The following FIGN variants were observed in gnomAD, a reference collection of about 807,000 sequenced individuals.
FIGN encodes fidgetin.
In FIGN, 11 loss-of-function variants were observed where a neutral mutation model predicts 51.3. That is an observed-to-expected ratio of 0.21 (90% CI 0.13 to 0.35). The LOEUF is 0.35. Among genes scored for constraint, FIGN ranks in the 10% least tolerant of loss-of-function variants. The pLI, the probability that FIGN is intolerant of heterozygous loss-of-function variation, is 1.00. For missense variants in FIGN, 857 were observed against 943.6 expected (o/e 0.91, Z 1.20); for synonymous variants, 407 against 363.2 (o/e 1.12, Z -1.37).
intron 2 of FIGN, among the ~76,000 whole-genome samples, chr2:163,726,491 C>A (rs1463286981): frequency 6.6e-6 from 1 of 151,960 alleles, no homozygotes; most frequent in Non-Finnish European, 1.5e-5. Context: ...AATTATTCTT[C>A]AAAAATGACT....
At chr2:163,712,959 T>C (rs778044539) in intron 2 of FIGN, among the ~76,000 whole-genome samples, 14 of 152,212 alleles carry the variant, frequency 9.2e-5, no homozygotes, top group Non-Finnish European at 2.1e-4. Flanking sequence ...TTTCACCTCA[T>C]GACAGACAAA....
chr2:163,641,577 C>T (rs947807371), intron 2 of FIGN, among the ~76,000 whole-genome samples: 2 of 152,178 alleles, frequency 1.3e-5, no homozygotes, highest in Non-Finnish European at 2.9e-5. Flanking sequence ...CTGCCTTACA[C>T]CTTTTCAGAA....
intron 2 of FIGN, among the ~76,000 whole-genome samples, chr2:163,715,586 A>C (rs1376417245): frequency 6.6e-6 from 1 of 152,174 alleles, no homozygotes; most frequent in Non-Finnish European, 1.5e-5. Flanking sequence ...GTTAGGGGAG[A>C]ATGAATGGAA....
chr2:163,692,933 T>C (rs892725711), intron 2 of FIGN, among the ~76,000 whole-genome samples: 2 of 152,196 alleles, frequency 1.3e-5, no homozygotes, highest in African/African-American at 4.8e-5. Flanking sequence ...TGCTCAACCT[T>C]GATGCAATAG....
intron 2 of FIGN, among the ~76,000 whole-genome samples, chr2:163,625,882 T>C (rs1277084493): frequency 1.3e-5 from 2 of 152,066 alleles, no homozygotes; most frequent in African/African-American, 2.4e-5. Context: ...ACTCTGGTCA[T>C]TCTGAAATGA....
intron 2 of FIGN, among the ~76,000 whole-genome samples, chr2:163,667,310 T>C (rs1326601519): frequency 6.7e-6 from 1 of 148,780 alleles, no homozygotes; most frequent in Non-Finnish European, 1.5e-5. Flanking sequence ...TTTCCTTTCT[T>C]CTGAATCCCT....
At chr2:163,612,938 C>A (rs76187277) in intron 2 of FIGN, among the ~76,000 whole-genome samples, 216 of 152,072 alleles carry the variant, frequency 1.4e-3, no homozygotes, top group Non-Finnish European at 2.6e-3. Context: ...CTGGGTAATT[C>A]TATCATCTGC....
In FIGN at chr2:163,609,548, G is replaced by T; in HGVS notation, c.*4C>A. On this transcript the variant is annotated 3_prime_UTR_variant, in exon 3 of 3. Transcript: ENST00000333129. ...CATTACATTTTTTTTTTCTAAAGAAGTTATCACTGACTGCAACCAAACATT... is the reference window on the plus strand; with the variant it reads ...CATTACATTTTTTTTTTCTAAAGAATTTATCACTGACTGCAACCAAACATT... 1 of 1,598,254 alleles carries T rather than the reference G, an allele frequency of 6.3e-7. No homozygotes were observed. The highest frequency in any genetic ancestry group is 1.7e-5 in the Admixed American group (1 of 58,232).
chr2:163,656,471 T>C (rs1240246715), intron 2 of FIGN, among the ~76,000 whole-genome samples: 1 of 152,172 alleles, frequency 6.6e-6, no homozygotes, highest in Non-Finnish European at 1.5e-5. Context: ...CTGGAACTAA[T>C]TCGGCTCCTT....
chr2:163,671,121 G>T (rs115152733), intron 2 of FIGN, among the ~76,000 whole-genome samples: 1 of 152,094 alleles, frequency 6.6e-6, no homozygotes, highest in Admixed American at 6.5e-5. Flanking sequence ...GCTTGTGATC[G>T]CCCAGAGATG....
intron 2 of FIGN, among the ~76,000 whole-genome samples, chr2:163,713,066 T>G (rs2105357757): frequency 6.6e-6 from 1 of 152,298 alleles, no homozygotes; most frequent in Non-Finnish European, 1.5e-5. Context: ...TAATATTTAT[T>G]AGAAGATTTG....
At chr2:163,690,318 C>T (rs1158501237) in intron 2 of FIGN, among the ~76,000 whole-genome samples, 1 of 152,084 alleles carries the variant, frequency 6.6e-6, no homozygotes, top group African/African-American at 2.4e-5. Flanking sequence ...TAGGTTATAT[C>T]TTCAATATAA....
intron 2 of FIGN, among the ~76,000 whole-genome samples, chr2:163,714,822 T>G: frequency 6.6e-6 from 1 of 152,224 alleles, no homozygotes; most frequent in East Asian, 1.9e-4. Flanking sequence ...TAGCATGAGT[T>G]TCAACCTAAT....
Position 163,698,681 on chromosome 2 carries a change from G to A in FIGN, c.25+36222C>T, listed in dbSNP as rs184319325. The stretch of plus-strand genomic sequence containing the variant: ...CACAATTCAGATAAATAAGGAAACA[G>A]AACTTTTGTAGACTGGTCAGGAAAA... On this transcript the variant is annotated intron_variant, in intron 2 of 2. Coordinates refer to ENST00000333129, the MANE Select transcript of FIGN (RefSeq NM_018086.4). Among the ~76,000 whole-genome samples the A allele has an allele frequency of 1.2e-3, 176 of 152,258 alleles. 8 individuals are homozygous for A. The highest frequency in any genetic ancestry group is 3.4e-3 in the Middle Eastern group (1 of 294).
chr2:163,609,610 G>C lies in FIGN; in HGVS notation c.2222C>G (p.Ser741Cys). Residue 741 changes from serine (S) to cysteine (C), a missense_variant, in exon 3 of 3, where the codon TCT becomes TGT. Transcript: ENST00000333129. ...AACATACATATCAAGCTCCTTTTGA[G>C]ATATGCTAGGCTGAATCTTGCAGAA... ...NAFCKIQPSI[S>C]QKELDMYVEW... 1 of 1,614,046 alleles carries C rather than the reference G, an allele frequency of 6.2e-7. No individual in the cohort carries two copies. Among genetic ancestry groups the C allele is most frequent in the Non-Finnish European group, 8.5e-7 (1 of 1,180,012 alleles).
chr2:163,660,879 A>ATATTTT lies in FIGN; in HGVS notation c.26-49074_26-49073insAAAATA, dbSNP rs1281747620. On this transcript the variant is annotated intron_variant, in intron 2 of 2. Transcript: ENST00000333129. Reference sequence around the variant, plus strand: ...TATACATATATATATATATATATATATTTTTTTTTTTTTTTTTTTTTTTTT... The same window carrying ATATTTT: ...TATACATATATATATATATATATATATATTTTTTTTTTTTTTTTTTTTTTTTTTTTT... Among the ~76,000 whole-genome samples the ATATTTT allele has an allele frequency of 9.0e-4, 6 of 6,686 alleles. 2 individuals are homozygous for ATATTTT. The highest frequency in any genetic ancestry group is 0.015 in the East Asian group (2 of 134). 4.4% of individuals were successfully genotyped at this position (6,686 alleles called of 152,430 possible).
chr2:163,733,276 A>C lies in FIGN; in HGVS notation c.25+1627T>G, dbSNP rs61126925. Among the ~76,000 whole-genome samples, 441 of 152,332 alleles carry C rather than the reference A, an allele frequency of 2.9e-3. 2 individuals are homozygous for C. Among genetic ancestry groups the C allele is most frequent in the African/African-American group, 0.01 (426 of 41,578 alleles). ...ACACTCAAATCTGCTGTTAAATGTC[A>C]TGAATTATATAATTGCCTATGCCAG... On this transcript the variant is annotated intron_variant, in intron 2 of 2. Coordinates refer to ENST00000333129, the MANE Select transcript of FIGN (RefSeq NM_018086.4).
At chr2:163,719,460 A>G (rs1573971070) in intron 2 of FIGN, among the ~76,000 whole-genome samples, 1 of 152,226 alleles carries the variant, frequency 6.6e-6, no homozygotes, top group East Asian at 1.9e-4. Context: ...CAACCAACTG[A>G]CTTCCCATAA....
rs1460804490 is a variant in FIGN at position 163,660,736 on chromosome 2, TACATATATATGTATAC to T, written c.26-48946_26-48931del. Among the ~76,000 whole-genome samples, 144 of 111,072 alleles carry T rather than the reference TACATATATATGTATAC, an allele frequency of 1.3e-3. 5 individuals are homozygous for T. The highest frequency in any genetic ancestry group is 1.5e-3 in the African/African-American group (43 of 28,704). 72.9% of individuals were successfully genotyped at this position (111,072 alleles called of 152,430 possible). On this transcript the variant is annotated intron_variant, in intron 2 of 2. Transcript: ENST00000333129. ...ATATACATATATATGTATACACATA[TACATATATATGTATAC>T]ACATATACATATATATGTATACACA...
Sources: allele counts gnomAD v4.1 joint callset (sites outside exome capture counted in the v4.1 genomes callset), GRCh38; gene constraint gnomAD v4.1.1; transcripts MANE v1.5; gene names NCBI Gene and HGNC (gene_info 2026-07-23, HGNC 2026-07-21).